GUCY1A2: variants seen among roughly 807,000 people sequenced by gnomAD.
GUCY1A2 encodes the protein guanylate cyclase 1 soluble subunit alpha 2.
In GUCY1A2, 27 loss-of-function variants were observed where a neutral mutation model predicts 63.5. The ratio of observed to expected loss-of-function variants is 0.43; its 90% CI spans 0.31 to 0.59. The LOEUF is 0.59. Among genes scored for constraint, GUCY1A2 ranks in the 20% least tolerant of loss-of-function variants. The pLI is 0.11. For missense variants in GUCY1A2, 768 were observed against 913.3 expected (o/e 0.84, Z 2.05); for synonymous variants, 364 against 343.5 (o/e 1.06, Z -0.66).
intron 6 of GUCY1A2, among the ~76,000 whole-genome samples, chr11:106,730,059 AATATATATATATATATATATATAT>A (rs60486225): frequency 1.9e-5 from 2 of 103,364 alleles, no homozygotes; most frequent in African/African-American, 3.5e-5. Flanking sequence ...ATCAGCATGG[AATATATATATATATATATATATAT>A]ATATATATAT....
chr11:106,827,256 A>G, intron 4 of GUCY1A2: 1 of 1,551,228 alleles, frequency 6.4e-7, no homozygotes, highest in Non-Finnish European at 8.9e-7. Context: ...CTTCAGTTGT[A>G]TATCTGGTTC....
intron 3 of GUCY1A2, among the ~76,000 whole-genome samples, chr11:106,964,591 T>C (rs1230162686): frequency 6.6e-6 from 1 of 152,228 alleles, no homozygotes; most frequent in Non-Finnish European, 1.5e-5. Flanking sequence ...ATCTCTCATT[T>C]GGAGTCAGAA....
rs1448382191 is a variant in GUCY1A2, at chr11:106,776,591, A to G, written c.1693-9T>C. ...TCACCTATTGTTTCCACCTGCAGCA[A>G]TCAGACAAATCAAATGCAAACGTAT... On this transcript the variant is annotated splice_polypyrimidine_tract_variant and intron_variant, in intron 5 of 7. Transcript: ENST00000526355. The G allele has an allele frequency of 1.2e-6, 2 of 1,611,504 alleles. No homozygotes were observed. The highest frequency in any genetic ancestry group is 2.2e-5 in the East Asian group (1 of 44,872).
At chr11:106,999,989 A>C (rs113036614) in intron 1 of GUCY1A2, among the ~76,000 whole-genome samples, 79 of 152,314 alleles carry the variant, frequency 5.2e-4, no homozygotes, top group South Asian at 1.2e-3. Flanking sequence ...ATAAGGAGAT[A>C]AAGTGCCTAA....
intron 4 of GUCY1A2, among the ~76,000 whole-genome samples, chr11:106,836,368 G>A (rs1859117317): frequency 6.6e-6 from 1 of 151,888 alleles, no homozygotes; most frequent in African/African-American, 2.4e-5. Context: ...AATCAAAAGA[G>A]AAAATACATA....
intron 6 of GUCY1A2, among the ~76,000 whole-genome samples, chr11:106,734,902 G>C (rs1466045608): frequency 6.6e-6 from 1 of 152,088 alleles, no homozygotes; most frequent in Non-Finnish European, 1.5e-5. Context: ...CCTGGGTTCA[G>C]TGATTTTAAA....
intron 7 of GUCY1A2, among the ~76,000 whole-genome samples, chr11:106,695,145 T>TA (rs945231805): frequency 2.0e-5 from 3 of 152,146 alleles, no homozygotes; most frequent in African/African-American, 7.2e-5. Flanking sequence ...GGCATACACT[T>TA]ACCACCTTCC....
chr11:106,787,097 TGTG>T (rs1171466388), intron 5 of GUCY1A2, among the ~76,000 whole-genome samples: 1 of 151,476 alleles, frequency 6.6e-6, no homozygotes, highest in East Asian at 1.9e-4. Context: ...GTATTTTTTG[TGTG>T]GTGGTTTCTT....
intron 5 of GUCY1A2, among the ~76,000 whole-genome samples, chr11:106,807,993 A>T (rs1444072350): frequency 1.3e-5 from 2 of 152,110 alleles, no homozygotes. Context: ...GAGGTTTTGG[A>T]ACTCGGACTG....
At chr11:106,761,286 TGTTA>T (rs1864062006) in intron 6 of GUCY1A2, among the ~76,000 whole-genome samples, 1 of 152,208 alleles carries the variant, frequency 6.6e-6, no homozygotes, top group Admixed American at 6.6e-5. Flanking sequence ...GCTTACAAAA[TGTTA>T]GTTATTCACA....
intron 4 of GUCY1A2, among the ~76,000 whole-genome samples, chr11:106,902,411 G>A (rs1190145073): frequency 6.6e-6 from 1 of 152,176 alleles, no homozygotes; most frequent in Non-Finnish European, 1.5e-5. Flanking sequence ...GTCACCAGCT[G>A]CATTAGCTCC....
intron 6 of GUCY1A2, among the ~76,000 whole-genome samples, chr11:106,740,125 A>G (rs1262820910): frequency 2.6e-5 from 4 of 151,570 alleles, no homozygotes; most frequent in African/African-American, 9.7e-5. Flanking sequence ...CAGCCTCCCA[A>G]GTAGCTCGGA....
At chr11:106,713,061 A>C (rs1157797582) in intron 6 of GUCY1A2, among the ~76,000 whole-genome samples, 1 of 152,030 alleles carries the variant, frequency 6.6e-6, no homozygotes, top group Non-Finnish European at 1.5e-5. Context: ...TCTTCAACTC[A>C]AGAAGTTTGT....
chr11:106,757,003 T>A (rs969787862), intron 6 of GUCY1A2, among the ~76,000 whole-genome samples: 2 of 152,228 alleles, frequency 1.3e-5, no homozygotes, highest in Non-Finnish European at 2.9e-5. Context: ...GTAGATTTGG[T>A]CTTTTCTCAT....
intron 4 of GUCY1A2, among the ~76,000 whole-genome samples, chr11:106,927,298 G>A (rs963164453): frequency 3.3e-5 from 5 of 151,488 alleles, no homozygotes; most frequent in African/African-American, 7.2e-5. Flanking sequence ...GCACGAACCC[G>A]GGGGGCGGAG....
intron 4 of GUCY1A2, chr11:106,936,773 A>G: frequency 1.1e-6 from 1 of 876,748 alleles, no homozygotes; most frequent in Non-Finnish European, 1.8e-6. Flanking sequence ...CACAAACAAA[A>G]CAGTTAAATT....
chr11:106,806,821 A>G (rs749734013), intron 5 of GUCY1A2, among the ~76,000 whole-genome samples: 11 of 152,150 alleles, frequency 7.2e-5, no homozygotes, highest in Non-Finnish European at 1.0e-4. Context: ...TCAACCCTCT[A>G]GTTTATAGAT....
chr11:106,836,209 C>T (rs1859115270), intron 4 of GUCY1A2, among the ~76,000 whole-genome samples: 3 of 151,916 alleles, frequency 2.0e-5, no homozygotes, highest in African/African-American at 7.2e-5. Context: ...ACTTTTGACT[C>T]CCCTGAAACC....
intron 4 of GUCY1A2, among the ~76,000 whole-genome samples, chr11:106,872,751 G>A (rs1372398415): frequency 6.6e-6 from 1 of 152,162 alleles, no homozygotes; most frequent in Non-Finnish European, 1.5e-5. Context: ...AATGGTGCAT[G>A]TGCACACACA....
Sources: allele counts gnomAD v4.1 joint callset (sites outside exome capture counted in the v4.1 genomes callset), GRCh38; gene constraint gnomAD v4.1.1; transcripts MANE v1.5; gene names NCBI Gene and HGNC (gene_info 2026-07-23, HGNC 2026-07-21).